Variants in SYNPO2 observed in about 807,000 individuals in gnomAD.
The protein encoded by SYNPO2 is synaptopodin-2.
In SYNPO2, 56 loss-of-function variants were observed where a neutral mutation model predicts 85.0. That is an observed-to-expected ratio of 0.66 (90% CI 0.53 to 0.82). SYNPO2 has a LOEUF of 0.82. Among genes scored for constraint, SYNPO2 ranks in the 40% least tolerant of loss-of-function variants. The probability of loss-of-function intolerance (pLI) is 0.00; values close to 1 mark genes in which losing one functional copy is unlikely to be tolerated. For synonymous variants in SYNPO2, 602 were observed against 591.1 expected (o/e 1.02, Z -0.27); for missense variants, 1,575 against 1,534.2 (o/e 1.03, Z -0.44).
At chr4:118,910,115 A>T (rs962001722) in intron 1 of SYNPO2, among the ~76,000 whole-genome samples, 3 of 152,176 alleles carry the variant, frequency 2.0e-5, no homozygotes, top group Admixed American at 6.5e-5. Flanking sequence ...TGTTGTGTTC[A>T]ATCTCAGATT....
At chr4:118,980,000 G>C (rs781442518) in intron 1 of SYNPO2, among the ~76,000 whole-genome samples, 2 of 152,182 alleles carry the variant, frequency 1.3e-5, no homozygotes, top group Non-Finnish European at 2.9e-5. Context: ...TTATCTTTAA[G>C]CACTGTAGAG....
At chr4:118,985,837 G>T (rs1736197238) in intron 1 of SYNPO2, among the ~76,000 whole-genome samples, 1 of 152,178 alleles carries the variant, frequency 6.6e-6, no homozygotes, top group South Asian at 2.1e-4. Flanking sequence ...ACACCAGGTT[G>T]CTGGGCTATA....
intron 4 of SYNPO2, among the ~76,000 whole-genome samples, chr4:119,044,569 C>T (rs980259519): frequency 2.0e-5 from 3 of 152,084 alleles, no homozygotes; most frequent in South Asian, 2.1e-4. Context: ...CTCACTCTGT[C>T]GCCCAGGCTG....
At chr4:118,880,810 A>G (rs1208167851) in intron 1 of SYNPO2, among the ~76,000 whole-genome samples, 1 of 152,062 alleles carries the variant, frequency 6.6e-6, no homozygotes, top group East Asian at 1.9e-4. Context: ...ATTCATTGAC[A>G]TTACATTTTT....
chr4:118,975,154 C>T (rs1735677578), intron 1 of SYNPO2, among the ~76,000 whole-genome samples: 1 of 152,204 alleles, frequency 6.6e-6, no homozygotes, highest in African/African-American at 2.4e-5. Flanking sequence ...GACTCTTTCC[C>T]ACCACTGTTC....
chr4:119,057,991 G>T lies in SYNPO2; in HGVS notation c.*57G>T. 6.5e-7 allele frequency: 1 copy of T among 1,536,038 alleles called. No homozygotes were observed. The highest frequency in any genetic ancestry group is 8.7e-7 in the Non-Finnish European group (1 of 1,144,880). On this transcript the variant is annotated 3_prime_UTR_variant, in exon 5 of 5. Coordinates refer to ENST00000307142, the MANE Select transcript of SYNPO2 (RefSeq NM_133477.3). The stretch of plus-strand genomic sequence containing the variant: ...AGTTTTTTAAAAAAAACGCTCCTTT[G>T]TAGGGTTTTAAACTTTTCTAATAGA...
intron 4 of SYNPO2, chr4:119,035,898 T>C (rs1738494285): frequency 1.0e-6 from 1 of 985,180 alleles, no homozygotes; most frequent in East Asian, 1.1e-4. Flanking sequence ...TATTTGCAGT[T>C]ACAAGGTTAA....
rs1259866639 is a variant in SYNPO2 at position 119,057,858 on chromosome 4, C to T, written c.3710C>T (p.Thr1237Ile). Residue 1237 changes from threonine to isoleucine, a missense_variant, in exon 5 of 5, where the codon ACC (threonine) becomes ATC (isoleucine). By Grantham distance (89) the Thr-to-Ile change is moderately conservative. Transcript: ENST00000307142. ...RNDSAIMSMETRSDYCLPVAD... is the reference protein window; with the variant it reads ...RNDSAIMSMEIRSDYCLPVAD... ...GATTCTGCAATCATGTCCATGGAAACCAGGTCTGATTACTGTCTTCCAGTA... is the reference window on the plus strand; with the variant it reads ...GATTCTGCAATCATGTCCATGGAAATCAGGTCTGATTACTGTCTTCCAGTA... 6.2e-7 allele frequency: 1 copy of T among 1,614,038 alleles called. No individual in the cohort carries two copies.
chr4:118,933,028 TA>T (rs1560880678), intron 1 of SYNPO2, among the ~76,000 whole-genome samples: 1 of 152,128 alleles, frequency 6.6e-6, no homozygotes, highest in Non-Finnish European at 1.5e-5. Flanking sequence ...AAAAAGGCCA[TA>T]AAAATAAATA....
At chr4:118,886,447 CTG>C (rs1167332679), upstream of SYNPO2, among the ~76,000 whole-genome samples, 1 of 152,122 alleles carries the variant, frequency 6.6e-6, no homozygotes, top group Admixed American at 6.5e-5. Context: ...GTTTCCCTCC[CTG>C]TGTCTATGTG....
At chr4:118,917,176 G>A (rs1403540601) in intron 1 of SYNPO2, among the ~76,000 whole-genome samples, 3 of 152,196 alleles carry the variant, frequency 2.0e-5, no homozygotes, top group Non-Finnish European at 2.9e-5. Context: ...TGGATCGCCT[G>A]ACGTCAGGAG....
chr4:119,006,617 T>C (rs1737040685), intron 1 of SYNPO2, among the ~76,000 whole-genome samples: 1 of 152,186 alleles, frequency 6.6e-6, no homozygotes. Flanking sequence ...CTAATAAAGA[T>C]CTGGTAAGCC....
chr4:119,054,007 A>T (rs889409836), intron 4 of SYNPO2, among the ~76,000 whole-genome samples: 1 of 152,104 alleles, frequency 6.6e-6, no homozygotes, highest in Non-Finnish European at 1.5e-5. Context: ...GCAGTCCCTC[A>T]AGGTGCTACA....
intron 1 of SYNPO2, among the ~76,000 whole-genome samples, chr4:119,013,035 C>G (rs1027279313): frequency 6.6e-5 from 10 of 152,148 alleles, no homozygotes; most frequent in African/African-American, 2.4e-4. Context: ...CATCTGCAGA[C>G]CTCTGGTGGT....
intron 1 of SYNPO2, among the ~76,000 whole-genome samples, chr4:118,900,706 T>C (rs1239475618): frequency 4.5e-5 from 2 of 44,762 alleles, no homozygotes; most frequent in East Asian, 1.3e-3. Context: ...TCTCTCTCTA[T>C]ATATATATAT....
At chr4:118,854,205 A>G (rs193165577) in intron 1 of SYNPO2, among the ~76,000 whole-genome samples, 2 of 152,348 alleles carry the variant, frequency 1.3e-5, no homozygotes, top group Admixed American at 1.3e-4. Flanking sequence ...ATGTTACCTT[A>G]AGATAATTGT....
chr4:119,006,244 G>A (rs1187240779), intron 1 of SYNPO2: 1 of 152,402 alleles, frequency 6.6e-6, no homozygotes, highest in Non-Finnish European at 1.5e-5. Flanking sequence ...TGTTCAAGAT[G>A]GAATCAGTGT....
chr4:119,046,928 G>A (rs1738888250), intron 4 of SYNPO2, among the ~76,000 whole-genome samples: 1 of 152,194 alleles, frequency 6.6e-6, no homozygotes, highest in African/African-American at 2.4e-5. Context: ...TTTTGGAAGA[G>A]AAAATTTAAT....
chr4:118,995,905 TC>T (rs1300378061), intron 1 of SYNPO2, among the ~76,000 whole-genome samples: 3 of 148,502 alleles, frequency 2.0e-5, no homozygotes, highest in African/African-American at 7.5e-5. Context: ...TATCTATCTA[TC>T]ATCTATCTAA....
Sources: allele counts gnomAD v4.1 joint callset (sites outside exome capture counted in the v4.1 genomes callset), GRCh38; gene constraint gnomAD v4.1.1; transcripts MANE v1.5; gene names NCBI Gene and HGNC (gene_info 2026-07-23, HGNC 2026-07-21).